The following ABCC1 variants were observed in gnomAD, a reference collection of about 807,000 sequenced individuals.
ABCC1 encodes the protein ATP binding cassette subfamily C member 1 (ABCC1 blood group).
In ABCC1, 83 loss-of-function variants were observed where a neutral mutation model predicts 172.9. The ratio of observed to expected loss-of-function variants is 0.48; its 90% CI spans 0.40 to 0.58. ABCC1 has a LOEUF of 0.58. Among genes scored for constraint, ABCC1 ranks in the 20% least tolerant of loss-of-function variants. The probability of loss-of-function intolerance (pLI) is 0.00; values close to 1 mark genes in which losing one functional copy is unlikely to be tolerated. For synonymous variants in ABCC1, 937 were observed against 825.2 expected (o/e 1.14, Z -2.32); for missense variants, 1,817 against 2,002.7 (o/e 0.91, Z 1.77).
At chr16:16,076,283 C>T (rs767953110) in intron 14 of ABCC1, 43 bp from the exon 15 acceptor site, 16 of 1,583,740 alleles carry the variant, frequency 1.0e-5, no homozygotes, top group South Asian at 7.8e-5. Context: ...CATGTGGAGT[C>T]GCACAGCTCA....
rs45498906 is a variant in ABCC1 at position 16,133,253 on chromosome 16, T to C, written c.3967-1097T>C. 7.7e-3 allele frequency among the ~76,000 whole-genome samples: 1,178 copies of C among 152,282 alleles called. 11 individuals are homozygous for C. The highest frequency in any genetic ancestry group is 0.025 in the African/African-American group (1,027 of 41,570). ...ACAAGGCTGCTTTCACCTCTGAACA[T>C]ATGGACTTATTGAACTGTTCCTACG... On this transcript the variant is annotated intron_variant, in intron 27 of 30. Coordinates refer to ENST00000399410, the MANE Select transcript of ABCC1 (RefSeq NM_004996.4).
In ABCC1 at chr16:16,136,614, A is replaced by G. The variant is rs770501723; in HGVS notation, c.4262A>G (p.His1421Arg). 6.2e-7 allele frequency: 1 copy of G among 1,614,162 alleles called. No individual in the cohort carries two copies. The highest frequency in any genetic ancestry group is 8.5e-7 in the Non-Finnish European group (1 of 1,180,022). The change falls in exon 29 of 31, where the codon CAT (histidine) becomes CGT (arginine). Residue 1421 changes from histidine (H) to arginine (R), a missense_variant. Coordinates refer to ENST00000399410, the MANE Select transcript of ABCC1 (RefSeq NM_004996.4). Reference protein sequence around the residue: ...FVSALPDKLDHECAEGGENLS... With the variant: ...FVSALPDKLDRECAEGGENLS... ...TCAGCCCTTCCTGACAAGCTAGACC[A>G]TGAATGTGCAGAAGGCGGGGAGAAC...
intron 2 of ABCC1, among the ~76,000 whole-genome samples, 188 bp from the exon 3 acceptor site, chr16:16,009,588 C>T (rs1324554243): frequency 2.6e-5 from 4 of 152,156 alleles, no homozygotes; most frequent in Non-Finnish European, 4.4e-5. Flanking sequence ...CACGTGCCGG[C>T]CTGGATGCCA....
chr16:16,103,440 C>T (rs1178168200), intron 20 of ABCC1, among the ~76,000 whole-genome samples: 1 of 151,966 alleles, frequency 6.6e-6, no homozygotes, highest in African/African-American at 2.4e-5. Flanking sequence ...ATTAGCCAGG[C>T]ATGGTGGCAG....
chr16:16,043,778 T>C (rs775154247), intron 7 of ABCC1, among the ~76,000 whole-genome samples: 1 of 152,092 alleles, frequency 6.6e-6, no homozygotes, highest in African/African-American at 2.4e-5. Flanking sequence ...ATTTTTGTAT[T>C]TTTAGTAGAG....
chr16:16,054,100 G>A (rs923597383), intron 11 of ABCC1, among the ~76,000 whole-genome samples: 39 of 151,726 alleles, frequency 2.6e-4, no homozygotes, highest in African/African-American at 8.7e-4. Context: ...TCAGCCTCCC[G>A]AGCAGCTGGG....
chr16:16,123,326 C>T (rs544900063), intron 24 of ABCC1, among the ~76,000 whole-genome samples: 5 of 152,196 alleles, frequency 3.3e-5, no homozygotes, highest in Admixed American at 2.0e-4. Context: ...TGATATCATA[C>T]GAAGCCTAGC....
intron 16 of ABCC1, among the ~76,000 whole-genome samples, chr16:16,083,134 C>G (rs1253240560): frequency 1.3e-5 from 2 of 152,172 alleles, no homozygotes; most frequent in Non-Finnish European, 2.9e-5. Context: ...ACGAGGATAT[C>G]AACTCTTTGA....
At chr16:16,074,383 A>G (rs1432754541) in intron 14 of ABCC1, among the ~76,000 whole-genome samples, 2 of 152,064 alleles carry the variant, frequency 1.3e-5, no homozygotes, top group Non-Finnish European at 2.9e-5. Context: ...ATCCCCTCAC[A>G]TCATAAGGCA....
At position 16,007,882 on chromosome 16, in the gene ABCC1, G is replaced by T. The variant is rs538744747; in HGVS notation, c.115G>T (p.Val39Leu). The T allele has an allele frequency of 1.2e-6, 2 of 1,613,714 alleles. No homozygotes were observed. The highest frequency in any genetic ancestry group is 2.2e-5 in the South Asian group (2 of 90,978). Reference sequence around the variant, plus strand: ...CAAGTGCTTTCAGAACACGGTCCTCGTGTGGGTGCCTTGTTTTTACCTCTG... The same window carrying T: ...CAAGTGCTTTCAGAACACGGTCCTCTTGTGGGTGCCTTGTTTTTACCTCTG... Reference protein sequence around the residue: ...FTKCFQNTVLVWVPCFYLWAC... With the variant: ...FTKCFQNTVLLWVPCFYLWAC... Residue 39 changes from valine (V) to leucine (L), a missense_variant, in exon 2 of 31, where the codon GTG (valine) becomes TTG (leucine). By Grantham distance (32) the Val-to-Leu change is conservative (BLOSUM62 1). Coordinates refer to ENST00000399410, the MANE Select transcript of ABCC1 (RefSeq NM_004996.4).
intron 1 of ABCC1, among the ~76,000 whole-genome samples, chr16:15,984,699 C>T (rs565110645): frequency 1.3e-5 from 2 of 152,220 alleles, no homozygotes; most frequent in Admixed American, 6.5e-5. Flanking sequence ...CCACCTTGGC[C>T]TCCCAAAGTG....
At chr16:16,071,542 G>A (rs2050348393) in intron 13 of ABCC1, 100 bp from the exon 14 acceptor site, 21 of 836,814 alleles carry the variant, frequency 2.5e-5, no homozygotes, top group Non-Finnish European at 3.7e-5. Context: ...GAGGGTGTGT[G>A]CCCCTCCACA....
intron 27 of ABCC1, 80 bp downstream of exon 27, chr16:16,132,015 C>A: frequency 6.5e-7 from 1 of 1,535,028 alleles, no homozygotes; most frequent in Non-Finnish European, 8.9e-7. Context: ...CTAGCTGCAG[C>A]GTCTCCCCAG....
intron 1 of ABCC1, among the ~76,000 whole-genome samples, chr16:15,979,103 G>A (rs2046559797): frequency 6.6e-6 from 1 of 152,014 alleles, no homozygotes; most frequent in East Asian, 1.9e-4. Context: ...CCATCCTGGT[G>A]AACATGGTGA....
At chr16:16,061,878 A>G (rs2049933205) in intron 12 of ABCC1, among the ~76,000 whole-genome samples, 1 of 149,866 alleles carries the variant, frequency 6.7e-6, no homozygotes, top group Admixed American at 6.7e-5. Context: ...GGCTCAAGTA[A>G]TCCTCCAACC....
chr16:16,115,143 GC>G, intron 23 of ABCC1, 67 bp downstream of exon 23: 1 of 1,512,162 alleles, frequency 6.6e-7, no homozygotes, highest in Non-Finnish European at 9.0e-7. Flanking sequence ...GTTACCTAAA[GC>G]CTTGTTTTAT....
intron 26 of ABCC1, among the ~76,000 whole-genome samples, chr16:16,127,824 CGT>C (rs2045500164): frequency 6.6e-6 from 1 of 151,726 alleles, no homozygotes; most frequent in African/African-American, 2.4e-5. Flanking sequence ...GTAAGAATGG[CGT>C]GAGTGCCCCC....
intron 21 of ABCC1, among the ~76,000 whole-genome samples, chr16:16,108,462 C>T (rs1240281935): frequency 1.3e-5 from 2 of 150,938 alleles, no homozygotes; most frequent in African/African-American, 2.4e-5. Context: ...GTAGAGATGG[C>T]GTTTCACTAT....
rs962617606 is a variant in ABCC1, at chr16:16,012,736, G to A, written c.352-1755G>A. Among the ~76,000 whole-genome samples the A allele has an allele frequency of 4.7e-5, 7 of 148,534 alleles. 1 individual carries two copies. The highest frequency in any genetic ancestry group is 8.9e-5 in the Non-Finnish European group (6 of 67,530). On this transcript the variant is annotated intron_variant, in intron 3 of 30. Transcript: ENST00000399410. Reference sequence around the variant, plus strand: ...AGAGTTTCGCTCTTTTTTCCCAGGCGCAATGGCATGATCTTGGCTCACTGC... The same window carrying A: ...AGAGTTTCGCTCTTTTTTCCCAGGCACAATGGCATGATCTTGGCTCACTGC...
Sources: gnomAD v4.1 joint callset for allele counts (sites outside exome capture counted in the v4.1 genomes callset) on GRCh38, gnomAD v4.1.1 for gene constraint, MANE v1.5 for transcripts, NCBI Gene and HGNC (gene_info 2026-07-23, HGNC 2026-07-21) for gene names.